Variants in PDE4D observed in about 807,000 individuals in gnomAD.
The protein encoded by PDE4D is 3',5'-cyclic-AMP phosphodiesterase 4D.
A neutral mutation model predicts 87.4 loss-of-function variants in PDE4D; 24 were observed. The observed-to-expected ratio is 0.27, with a 90% CI of 0.20 to 0.39. The LOEUF (loss-of-function observed/expected upper bound fraction) is 0.39, where lower values mean the gene tolerates loss of function less well. Ranked by LOEUF, PDE4D falls within the 10% of genes least tolerant of loss-of-function variation. The probability of loss-of-function intolerance (pLI) is 1.00; values close to 1 mark genes in which losing one functional copy is unlikely to be tolerated. For synonymous variants in PDE4D, 384 were observed against 383.2 expected, an observed-to-expected ratio of 1.00 and a Z score of -0.02; for missense variants, 714 against 1,041.0, an observed-to-expected ratio of 0.69 and a Z score of 4.32.
intron 1 of PDE4D, among the ~76,000 whole-genome samples, chr5:59,799,118 C>T (rs1281885803): frequency 6.6e-6 from 1 of 152,188 alleles, no homozygotes; most frequent in African/African-American, 2.4e-5. Flanking sequence ...AATATGATAG[C>T]AACCAGAAAC....
rs182679936 is a variant in PDE4D at position 59,423,075 on chromosome 5, C to T, written c.456-207107G>A. Among the ~76,000 whole-genome samples the T allele has an allele frequency of 1.4e-4, 22 of 152,232 alleles. No individual in the cohort carries two copies. The East Asian group carries it at 4.1e-3, about 28-fold the overall frequency. ...TTGGGTTAATTAGCATGTAAGAAAA[C>T]AGTAGTCTCCCCTACTCATCTTCTC... On this transcript the variant is annotated intron_variant, in intron 1 of 14. Transcript: ENST00000340635.
chr5:59,635,084 C>T (rs921708918), intron 1 of PDE4D, among the ~76,000 whole-genome samples: 2 of 152,258 alleles, frequency 1.3e-5, no homozygotes, highest in African/African-American at 4.8e-5. Context: ...GAAATACAAA[C>T]TACCACCAGA....
intron 2 of PDE4D, among the ~76,000 whole-genome samples, chr5:60,047,780 T>C (rs1179471205): frequency 6.6e-6 from 1 of 152,164 alleles, no homozygotes; most frequent in Non-Finnish European, 1.5e-5. Flanking sequence ...GAGCTTTACT[T>C]CCAAGTATGT....
chr5:59,490,235 T>C (rs900165279), intron 1 of PDE4D, among the ~76,000 whole-genome samples: 1 of 152,178 alleles, frequency 6.6e-6, no homozygotes, highest in East Asian at 1.9e-4. Context: ...AAAAAGTAGG[T>C]GGTTGAACTT....
chr5:59,990,730 A>G (rs1462050629), intron 2 of PDE4D, among the ~76,000 whole-genome samples: 2 of 152,172 alleles, frequency 1.3e-5, no homozygotes, highest in African/African-American at 4.8e-5. Context: ...CTAAAATCCT[A>G]TGAGTTACTT....
rs182609933 is a variant in PDE4D, at chr5:59,536,959, C to T, written c.456-320991G>A. Among the ~76,000 whole-genome samples, 22 of 152,142 alleles carry T rather than the reference C, an allele frequency of 1.4e-4. 1 individual carries two copies. In the East Asian group the frequency reaches 1.9e-3, roughly 13 times the overall value. On this transcript the variant is annotated intron_variant, in intron 1 of 14. Coordinates refer to ENST00000340635, the MANE Select transcript of PDE4D (RefSeq NM_001104631.2). ...ATGAACCATTTGGTATGCTACAATA[C>T]GACCCACCCCCAATTTAAACAGGCT...
At chr5:59,718,140 C>T (rs1031978514) in intron 1 of PDE4D, among the ~76,000 whole-genome samples, 5 of 152,150 alleles carry the variant, frequency 3.3e-5, no homozygotes, top group East Asian at 1.9e-4. Flanking sequence ...TCCCATTTAT[C>T]TTCAATGCCT....
intron 1 of PDE4D, among the ~76,000 whole-genome samples, chr5:59,738,814 C>T (rs947535598): frequency 4.0e-5 from 6 of 151,872 alleles, no homozygotes; most frequent in African/African-American, 9.7e-5. Context: ...CTAAACACTA[C>T]GCATACTTCT....
intron 1 of PDE4D, among the ~76,000 whole-genome samples, chr5:59,466,439 T>C (rs1331081944): frequency 6.6e-6 from 1 of 152,194 alleles, no homozygotes; most frequent in African/African-American, 2.4e-5. Context: ...CTGGGTTCAA[T>C]GCTCTTTACA....
intron 6 of PDE4D, among the ~76,000 whole-genome samples, chr5:59,025,549 T>G (rs1044341418): frequency 3.9e-5 from 6 of 152,234 alleles, no homozygotes; most frequent in Admixed American, 2.0e-4. Context: ...TTTCCTTCTC[T>G]ATTGGGTTTG....
chr5:59,209,184 T>C lies in PDE4D; in HGVS notation c.647+6593A>G, dbSNP rs1383391319. Among the ~76,000 whole-genome samples, 55 of 152,140 alleles carry C rather than the reference T, an allele frequency of 3.6e-4. 1 individual carries two copies. Among genetic ancestry groups the C allele is most frequent in the Admixed American group, 3.6e-3 (55 of 15,272 alleles). ...CTCACATAGAGATCTGATTTATCTT[T>C]AATCATTTTTTTTTGTCTTGAGGCA... On this transcript the variant is annotated intron_variant, in intron 2 of 14. Transcript: ENST00000340635.
intron 1 of PDE4D, among the ~76,000 whole-genome samples, chr5:59,254,134 G>T (rs539664046): frequency 6.6e-6 from 1 of 152,072 alleles, no homozygotes; most frequent in Non-Finnish European, 1.5e-5. Context: ...AAACTGTGCG[G>T]AAAGTAAAGA....
chr5:59,320,774 A>G (rs1581941157), intron 1 of PDE4D, among the ~76,000 whole-genome samples: 1 of 151,784 alleles, frequency 6.6e-6, no homozygotes, highest in South Asian at 2.1e-4. Context: ...TTCCCTTTCA[A>G]ATCTCCCTCT....
chr5:60,305,099 C>G (rs1272448209), intron 1 of PDE4D, among the ~76,000 whole-genome samples: 1 of 151,186 alleles, frequency 6.6e-6, no homozygotes. Context: ...GAGAATAGTG[C>G]TCCAAAAATT....
At chr5:60,047,841 G>T (rs1432521246) in intron 2 of PDE4D, among the ~76,000 whole-genome samples, 1 of 152,046 alleles carries the variant, frequency 6.6e-6, no homozygotes, top group Non-Finnish European at 1.5e-5. Context: ...TGTATATTCT[G>T]TTGATTTGGG....
At chr5:59,992,079 T>C (rs1305523495) in intron 2 of PDE4D, among the ~76,000 whole-genome samples, 2 of 152,146 alleles carry the variant, frequency 1.3e-5, no homozygotes, top group Non-Finnish European at 2.9e-5. Flanking sequence ...GGCCTGCATC[T>C]TTCTTCTGTG....
intron 1 of PDE4D, among the ~76,000 whole-genome samples, chr5:59,699,791 CA>C (rs138756046): frequency 0.095 from 14,509 of 152,022 alleles, 946 homozygotes; most frequent in Non-Finnish European, 0.14. Flanking sequence ...CAACCTGTAG[CA>C]AAAAGGTATT....
At chr5:58,987,006 C>T (rs1018842609) in intron 11 of PDE4D, among the ~76,000 whole-genome samples, 11 of 151,590 alleles carry the variant, frequency 7.3e-5, no homozygotes, top group Non-Finnish European at 1.6e-4. Context: ...TGTAAAAATA[C>T]ATTTTATGTA....
intron 1 of PDE4D, among the ~76,000 whole-genome samples, chr5:59,381,422 T>C (rs10072637): frequency 0.058 from 8,816 of 152,178 alleles, 319 homozygotes; most frequent in South Asian, 0.16. Context: ...TAGATTAGTA[T>C]CCTCATTCCT....
Sources: allele counts gnomAD v4.1 joint callset (sites outside exome capture counted in the v4.1 genomes callset), GRCh38; gene constraint gnomAD v4.1.1; transcripts MANE v1.5; gene names NCBI Gene and HGNC (gene_info 2026-07-23, HGNC 2026-07-21).